Variants in TACC2 observed in about 807,000 individuals in gnomAD.
TACC2 encodes the protein transforming acidic coiled-coil containing protein 2, also known as transforming acidic coiled-coil-containing protein 2.
In TACC2, 137 loss-of-function variants were observed where a neutral mutation model predicts 227.3. The observed-to-expected ratio is 0.60, with a 90% CI of 0.52 to 0.69. The LOEUF (loss-of-function observed/expected upper bound fraction) is 0.69. Among genes scored for constraint, TACC2 ranks in the 30% least tolerant of loss-of-function variants. The pLI, the probability that TACC2 is intolerant of heterozygous loss-of-function variation, is 0.00. For synonymous variants in TACC2, 1,523 were observed against 1,487.5 expected, an observed-to-expected ratio of 1.02 and a Z score of -0.55; for missense variants, 3,470 against 3,694.4, an observed-to-expected ratio of 0.94 and a Z score of 1.57.
chr10:122,243,858 G>A (rs2096057559), intron 19 of TACC2, among the ~76,000 whole-genome samples: 1 of 152,154 alleles, frequency 6.6e-6, no homozygotes, highest in East Asian at 1.9e-4. Context: ...GAAATGCGGG[G>A]GAAAGGGTGT....
intron 3 of TACC2, among the ~76,000 whole-genome samples, chr10:122,062,025 C>CTTTTTTTTTTTTTT (rs140523380): frequency 4.7e-5 from 3 of 63,964 alleles, no homozygotes; most frequent in African/African-American, 6.3e-5. Context: ...GTCAGAGCGG[C>CTTTTTTTTTTTTTT]TTTTTTTTTT....
rs1482596204 is a variant in TACC2, at chr10:122,249,600, A to T, written c.8717A>T (p.His2906Leu). 3.1e-6 allele frequency: 5 copies of T among 1,614,078 alleles called. No individual in the cohort carries two copies. Among genetic ancestry groups the T allele is most frequent in the Non-Finnish European group, 4.2e-6 (5 of 1,180,002 alleles). ...RGKAQQEQAA[H>L]QASLRKEQLR... ...AAGGCCCAGCAGGAGCAAGCCGCCC[A>T]CCAGGCCAGCCTGCGGAAGGAGCAG... The change falls in exon 22 of 23, where the codon CAC becomes CTC. Residue 2906 changes from histidine (H) to leucine (L), a missense_variant. This residue lies in a region of TACC2 where 89 missense variants were observed against 91.4 expected (regional missense o/e 0.97). Coordinates refer to ENST00000369005, the MANE Select transcript of TACC2 (RefSeq NM_206862.4).
At chr10:122,016,297 G>A (rs1591072363) in intron 1 of TACC2, among the ~76,000 whole-genome samples, 3 of 150,010 alleles carry the variant, frequency 2.0e-5, no homozygotes, top group Admixed American at 1.3e-4. Context: ...AGCCAGGCGC[G>A]GTGGCTCATG....
intron 7 of TACC2, among the ~76,000 whole-genome samples, chr10:122,158,786 G>A (rs545443741): frequency 2.0e-5 from 3 of 152,246 alleles, no homozygotes; most frequent in Non-Finnish European, 4.4e-5. Flanking sequence ...ATGTTGGCAT[G>A]TAAGAGGTTA....
At chr10:122,176,117 CTATATATATA>C (rs35172894) in intron 7 of TACC2, among the ~76,000 whole-genome samples, 97 of 54,634 alleles carry the variant, frequency 1.8e-3, no homozygotes, top group African/African-American at 4.1e-3. Context: ...CTCTCTCTCT[CTATATATATA>C]TATATATATA....
chr10:122,086,396 C>A lies in TACC2; in HGVS notation c.3896C>A (p.Ala1299Asp). 1 of 1,613,698 alleles carries A rather than the reference C, an allele frequency of 6.2e-7. No individual in the cohort carries two copies. Among genetic ancestry groups the A allele is most frequent in the East Asian group, 2.2e-5 (1 of 44,876 alleles). Residue 1299 changes from alanine to aspartate, a missense_variant, in exon 4 of 23, where the codon GCT becomes GAT. Ala to Asp is a moderately radical substitution (Grantham distance 126). Coordinates refer to ENST00000369005, the MANE Select transcript of TACC2 (RefSeq NM_206862.4). ...GSLAPLLQPG[A>D]AGGEIPAVQA... ...CTCGCCCCCCTGTTGCAACCAGGAG[C>A]TGCAGGTGGGGAAATCCCTGCAGTG...
At chr10:122,075,961 T>G (rs973709551) in intron 3 of TACC2, among the ~76,000 whole-genome samples, 43 of 151,934 alleles carry the variant, frequency 2.8e-4, no homozygotes, top group African/African-American at 1.0e-3. Context: ...CACCACAATT[T>G]TTGTATTTTT....
At chr10:122,226,328 A>G (rs2095627791) in intron 12 of TACC2, 38 bp from the exon 13 acceptor site, 6 of 1,479,050 alleles carry the variant, frequency 4.1e-6, no homozygotes, top group Non-Finnish European at 3.8e-6. Context: ...GTTCAGGCCA[A>G]CTGTACCCAA....
At chr10:122,126,056 C>T (rs747422422) in intron 5 of TACC2, among the ~76,000 whole-genome samples, 74 of 151,902 alleles carry the variant, frequency 4.9e-4, no homozygotes, top group Non-Finnish European at 7.9e-4. Context: ...GGATTACAGG[C>T]GTGAGCCACC....
In TACC2 at chr10:122,205,286, C is replaced by A. The variant is rs1044365375; in HGVS notation, c.5972-5111C>A. 6.6e-6 allele frequency among the ~76,000 whole-genome samples: 1 copy of A among 152,094 alleles called. No homozygotes were observed. Among genetic ancestry groups the A allele is most frequent in the Admixed American group, 6.5e-5 (1 of 15,276 alleles). ...GGGGTCTCTGTGAGATCCTGAACAC[C>A]CACTGGTCTGAGGACAGAAGGCAGC... On this transcript the variant is annotated intron_variant, in intron 8 of 22. Transcript: ENST00000369005. The surrounding 1 kb of genome is among the most constrained non-coding windows in gnomAD (Gnocchi z 4.5).
At chr10:121,995,158 G>A (rs1418937788) in intron 1 of TACC2, among the ~76,000 whole-genome samples, 5 of 152,212 alleles carry the variant, frequency 3.3e-5, no homozygotes, top group African/African-American at 4.8e-5. Flanking sequence ...ACCTTGACAT[G>A]TTTGCACAGG....
chr10:122,012,262 A>G (rs998951914), intron 1 of TACC2, among the ~76,000 whole-genome samples: 7 of 151,820 alleles, frequency 4.6e-5, no homozygotes, highest in African/African-American at 7.2e-5. Flanking sequence ...TCTACTAAAA[A>G]TACAAAAATT....
intron 1 of TACC2, chr10:122,019,990 C>T (rs1957138806): frequency 1.3e-5 from 2 of 152,166 alleles, no homozygotes; most frequent in South Asian, 4.1e-4. Flanking sequence ...AGCCAGGCTT[C>T]CCTCGGCGGT....
intron 7 of TACC2, among the ~76,000 whole-genome samples, chr10:122,166,858 A>G (rs2093194559): frequency 6.6e-6 from 1 of 152,222 alleles, no homozygotes; most frequent in South Asian, 2.1e-4. Context: ...GGGAGGGAGA[A>G]TTCTCCCACA....
In TACC2 at chr10:122,143,666, T is replaced by G; in HGVS notation, c.5794T>G (p.Ser1932Ala). 6.2e-7 allele frequency: 1 copy of G among 1,614,114 alleles called. No individual in the cohort carries two copies. The highest frequency in any genetic ancestry group is 8.5e-7 in the Non-Finnish European group (1 of 1,180,024). The change falls in exon 7 of 23, where the codon TCC (serine) becomes GCC (alanine). Residue 1932 changes from serine (S) to alanine (A), a missense_variant. Physicochemically the swap from Ser to Ala is moderately conservative, Grantham distance 99. Coordinates refer to ENST00000369005, the MANE Select transcript of TACC2 (RefSeq NM_206862.4). ...CCCAGCTGGTGACAGAGTAGAAGCT[T>G]CCACTCCCTCCTGCCCAGATCCGGC... Reference protein sequence around the residue: ...SAPAGDRVEASTPSCPDPAKD... With the variant: ...SAPAGDRVEAATPSCPDPAKD...
At chr10:122,147,186 C>G (rs553652778) in intron 7 of TACC2, among the ~76,000 whole-genome samples, 1 of 152,108 alleles carries the variant, frequency 6.6e-6, no homozygotes, top group African/African-American at 2.4e-5. Flanking sequence ...ACTCTGTCAC[C>G]CAGGCTGGAG....
intron 7 of TACC2, chr10:122,163,468 G>A (rs1054342054): frequency 1.0e-5 from 7 of 669,656 alleles, no homozygotes; most frequent in Non-Finnish European, 1.3e-5. Flanking sequence ...GGCAGAGGGA[G>A]GGTCTTCGCC....
intron 5 of TACC2, among the ~76,000 whole-genome samples, chr10:122,103,326 G>A (rs1426142178): frequency 6.6e-6 from 1 of 152,162 alleles, no homozygotes; most frequent in African/African-American, 2.4e-5. Context: ...ACTGCTCAGT[G>A]TGGCCTCCGG....
At chr10:122,129,293 G>A (rs2087567231) in intron 5 of TACC2, among the ~76,000 whole-genome samples, 1 of 151,924 alleles carries the variant, frequency 6.6e-6, no homozygotes, top group African/African-American at 2.4e-5. Flanking sequence ...CTTGACCTCA[G>A]GTGATCCACC....
Sources: allele counts gnomAD v4.1 joint callset (sites outside exome capture counted in the v4.1 genomes callset), GRCh38; gene constraint gnomAD v4.1.1; regional missense constraint gnomAD v4.1.1; non-coding constraint Gnocchi (gnomAD v3.1); transcripts MANE v1.5; gene names NCBI Gene and HGNC (gene_info 2026-07-23, HGNC 2026-07-21).